Variants in PFKFB3 observed in about 807,000 individuals in gnomAD.
PFKFB3 encodes 6-phosphofructo-2-kinase/fructose-2,6-biphosphatase 3.
A neutral mutation model predicts 68.0 loss-of-function variants in PFKFB3; 33 were observed. The observed-to-expected ratio is 0.49, with a 90% CI of 0.37 to 0.65. The LOEUF (loss-of-function observed/expected upper bound fraction) is 0.65. Among genes scored for constraint, PFKFB3 ranks in the 30% least tolerant of loss-of-function variants. The pLI is 0.00. For synonymous variants in PFKFB3, 315 were observed against 288.2 expected, an observed-to-expected ratio of 1.09 and a Z score of -0.94; for missense variants, 586 against 712.2, an observed-to-expected ratio of 0.82 and a Z score of 2.02.
rs146115419 is a variant in PFKFB3 at position 6,159,792 on chromosome 10, C to G, written c.16+14779C>G. ...CTTTTTATTTATTTACTTATTGAAA[C>G]AGGGTCTCGGATTGTCACCTAGGCT... is the stretch of plus-strand genomic sequence containing the variant. On this transcript the variant is annotated intron_variant, in intron 1 of 14. Coordinates refer to the PFKFB3 transcript ENST00000379789. Among the ~76,000 whole-genome samples, 901 of 151,504 alleles carry G rather than the reference C, an allele frequency of 5.9e-3. 6 individuals carry two copies. The highest frequency in any genetic ancestry group is 0.01 in the South Asian group (50 of 4,816).
At position 6,208,371 on chromosome 10, in the gene PFKFB3, C is replaced by CTTTT. The variant is rs35447462; in HGVS notation, c.76+5054_76+5057dup. 1.5e-3 allele frequency among the ~76,000 whole-genome samples: 89 copies of CTTTT among 60,630 alleles called. 11 individuals carry two copies. Among genetic ancestry groups the CTTTT allele is most frequent in the Admixed American group, 1.9e-3 (8 of 4,196 alleles). 39.8% of individuals were successfully genotyped at this position (60,630 alleles called of 152,430 possible). A position where few individuals can be genotyped will look rare whatever the true frequency, so the allele number is the denominator to read the frequency against. ...ACAGGTGTAAGCCAGGGTACCTGGC[C>CTTTT]TTTTTTTTTTTTTTTTTTTTTTGCC... On this transcript the variant is annotated intron_variant, in intron 1 of 14. Transcript: ENST00000379775.
chr10:6,181,492 G>T (rs1275306242), intron 1 of PFKFB3, among the ~76,000 whole-genome samples: 1 of 152,178 alleles, frequency 6.6e-6, no homozygotes, highest in Non-Finnish European at 1.5e-5. Context: ...CAGCCCTGAA[G>T]ACAATGTTCT....
At chr10:6,279,947 TC>T in the PFKFB3 span, among the ~76,000 whole-genome samples, 95,369 of 151,872 alleles carry the variant, frequency 0.63, 30,623 homozygotes, top group Middle Eastern at 0.71. Flanking sequence ...CTTGGAAGAC[TC>T]AGAGCTTTGC....
chr10:6,270,129 G>A, the PFKFB3 span, among the ~76,000 whole-genome samples: 141 of 152,090 alleles, frequency 9.3e-4, 1 homozygote, highest in Admixed American at 1.6e-3. Flanking sequence ...CAAAAACTCC[G>A]TCTCAAAAAC....
At chr10:6,188,125 C>A (rs1036302855) in intron 1 of PFKFB3, among the ~76,000 whole-genome samples, 1 of 151,540 alleles carries the variant, frequency 6.6e-6, no homozygotes, top group Non-Finnish European at 1.5e-5. Flanking sequence ...CGTGCCCAGC[C>A]CCTATTTTTT....
intron 14 of PFKFB3, among the ~76,000 whole-genome samples, chr10:6,231,789 G>A (rs6602554): frequency 0.98 from 148,786 of 152,036 alleles, 72,890 homozygotes; most frequent in East Asian, 1. Flanking sequence ...GCAGGCAGCC[G>A]TCATCCCCTG....
chr10:6,262,373 G>T, the PFKFB3 span, among the ~76,000 whole-genome samples: 19 of 37,190 alleles, frequency 5.1e-4, no homozygotes, highest in Non-Finnish European at 1.1e-3. Context: ...AGAATGGCGT[G>T]AACCCTGGGG....
intron 1 of PFKFB3, among the ~76,000 whole-genome samples, chr10:6,168,490 A>T (rs1842204752): frequency 6.6e-6 from 1 of 152,204 alleles, no homozygotes; most frequent in South Asian, 2.1e-4. Context: ...AGTTGTGAGG[A>T]TTAACACGAG....
intron 1 of PFKFB3, among the ~76,000 whole-genome samples, chr10:6,186,714 T>C (rs765673748): frequency 2.6e-5 from 4 of 152,150 alleles, no homozygotes; most frequent in Non-Finnish European, 4.4e-5. Flanking sequence ...CCCAGGCTGG[T>C]CTCAAACTCC....
chr10:6,182,519 G>A (rs560624029), intron 1 of PFKFB3, among the ~76,000 whole-genome samples: 6 of 152,150 alleles, frequency 3.9e-5, no homozygotes, highest in African/African-American at 7.2e-5. Context: ...CGATCCCTTC[G>A]CCAGACCTCC....
At chr10:6,216,626 C>A in intron 4 of PFKFB3, 80 bp from the exon 5 acceptor site, 2 of 968,296 alleles carry the variant, frequency 2.1e-6, no homozygotes, top group South Asian at 2.6e-5. Context: ...GATGATGGGT[C>A]TGGCATCTTT....
At chr10:6,243,917 G>C (rs757843174) in intron 14 of PFKFB3, among the ~76,000 whole-genome samples, 1 of 152,054 alleles carries the variant, frequency 6.6e-6, no homozygotes, top group Non-Finnish European at 1.5e-5. Context: ...TAGAGATAGG[G>C]CCTCACTATG....
intron 1 of PFKFB3, among the ~76,000 whole-genome samples, chr10:6,206,551 TCCCGGACGGGGCGG>T: frequency 1.1e-4 from 10 of 88,280 alleles, no homozygotes; most frequent in Non-Finnish European, 1.9e-4. Context: ...GCCCCTCACC[TCCCGGACGGGGCGG>T]CTGGCCGGGC....
chr10:6,297,751 C>G, the PFKFB3 span, among the ~76,000 whole-genome samples: 1 of 152,106 alleles, frequency 6.6e-6, no homozygotes, highest in East Asian at 1.9e-4. Flanking sequence ...GTCAAGTGAT[C>G]GAGGATACTT....
intron 14 of PFKFB3, among the ~76,000 whole-genome samples, chr10:6,230,473 A>G (rs1054018728): frequency 6.6e-6 from 1 of 152,144 alleles, no homozygotes; most frequent in African/African-American, 2.4e-5. Flanking sequence ...AGTTGTCATA[A>G]TGAGACTATA....
chr10:6,269,138 C>G, the PFKFB3 span, among the ~76,000 whole-genome samples: 1 of 151,650 alleles, frequency 6.6e-6, no homozygotes, highest in African/African-American at 2.4e-5. Context: ...TCAACATGGG[C>G]TCCCCTCCCT....
At chr10:6,213,602 C>T in intron 1 of PFKFB3, 21 bp from the exon 2 acceptor site, 1 of 1,606,992 alleles carries the variant, frequency 6.2e-7, no homozygotes, top group African/African-American at 1.3e-5. Context: ...GATGACACAC[C>T]CTTCTTGCTT....
intron 10 of PFKFB3, 111 bp from the exon 11 acceptor site, chr10:6,222,744 T>C (rs1845056947): frequency 8.4e-7 from 1 of 1,186,882 alleles, no homozygotes; most frequent in Admixed American, 2.7e-5. Flanking sequence ...CTGCTGATGA[T>C]GGATGATTGA....
the PFKFB3 span, among the ~76,000 whole-genome samples, chr10:6,303,507 A>G: frequency 6.6e-6 from 1 of 152,066 alleles, no homozygotes; most frequent in Non-Finnish European, 1.5e-5. Context: ...GCCTTTATTT[A>G]CTCTTGATGA....
Sources: allele counts gnomAD v4.1 joint callset (sites outside exome capture counted in the v4.1 genomes callset), GRCh38; gene constraint gnomAD v4.1.1; transcripts MANE v1.5; gene names NCBI Gene and HGNC (gene_info 2026-07-23, HGNC 2026-07-21).